Variants in PIKFYVE observed in about 807,000 individuals in gnomAD.
The protein encoded by PIKFYVE is phosphoinositide kinase, FYVE-type zinc finger containing.
A neutral mutation model predicts 257.9 loss-of-function variants in PIKFYVE; 122 were observed. That is an observed-to-expected ratio of 0.47 (90% CI 0.41 to 0.55). The LOEUF (loss-of-function observed/expected upper bound fraction) is 0.55, where lower values mean the gene tolerates loss of function less well. Ranked by LOEUF, PIKFYVE falls within the 20% of genes least tolerant of loss-of-function variation. The pLI is 0.00. For synonymous variants in PIKFYVE, 892 were observed against 868.9 expected (o/e 1.03, Z -0.47); for missense variants, 2,160 against 2,536.6 (o/e 0.85, Z 3.19).
intron 3 of PIKFYVE, among the ~76,000 whole-genome samples, chr2:208,276,331 T>G (rs1321798671): frequency 6.6e-6 from 1 of 152,210 alleles, no homozygotes; most frequent in Non-Finnish European, 1.5e-5. Flanking sequence ...AAGTTAACCC[T>G]CCTTGATTGC....
chr2:208,282,862 C>G (rs948294813), intron 5 of PIKFYVE, among the ~76,000 whole-genome samples: 2 of 152,144 alleles, frequency 1.3e-5, no homozygotes, highest in Admixed American at 6.5e-5. Flanking sequence ...TAGGACGAAA[C>G]TATTCCACCT....
rs918856282 is a variant in PIKFYVE at position 208,356,892 on chromosome 2, T to A, written c.*1587T>A. ...TAATAATAGCACATTAACCTTCACA[T>A]AATAAGAAATCTGGACAAGTTCAGT... On this transcript the variant is annotated 3_prime_UTR_variant, in exon 42 of 42. Coordinates refer to ENST00000264380, the MANE Select transcript of PIKFYVE (RefSeq NM_015040.4). 6.6e-6 allele frequency: 1 copy of A among 152,646 alleles called. No individual in the cohort carries two copies. The highest frequency in any genetic ancestry group is 2.4e-5 in the African/African-American group (1 of 41,460). 9.5% of individuals were successfully genotyped at this position (152,646 alleles called of 1,614,324 possible).
In PIKFYVE at chr2:208,348,076, T is replaced by C. The variant is rs1382806947; in HGVS notation, c.5374+53T>C. 16 of 1,586,624 alleles carry C rather than the reference T, an allele frequency of 1.0e-5. No individual in the cohort carries two copies. The Admixed American group carries it at 2.7e-4, about 26-fold the overall frequency. ...ATTCTATGCTTTGATTTATTTATTTTAGTTGCATATATTTCTTATAGCCTT... is the reference window on the plus strand; with the variant it reads ...ATTCTATGCTTTGATTTATTTATTTCAGTTGCATATATTTCTTATAGCCTT... On this transcript the variant is annotated intron_variant, in intron 35 of 41. Coordinates refer to ENST00000264380, the MANE Select transcript of PIKFYVE (RefSeq NM_015040.4).
chr2:208,298,654 A>G lies in PIKFYVE; in HGVS notation c.925A>G (p.Thr309Ala). ...SPARNRSASI[T>A]NLSLDRSGSP... is the part of the protein sequence containing the mutation. ...TTTTATTTCCAGATCAGCCAGCATT[A>G]CTAACCTGTCACTGGATAGATCTGG... is the stretch of plus-strand genomic sequence containing the variant. Residue 309 changes from threonine to alanine, a missense_variant, in exon 8 of 42, where the codon ACT becomes GCT. By Grantham distance (58) the Thr-to-Ala change is moderately conservative. Transcript: ENST00000264380. The G allele has an allele frequency of 1.2e-6, 2 of 1,614,126 alleles. No homozygotes were observed. The highest frequency in any genetic ancestry group is 1.7e-6 in the Non-Finnish European group (2 of 1,180,002).
intron 7 of PIKFYVE, among the ~76,000 whole-genome samples, chr2:208,291,760 G>T (rs1053034435): frequency 2.0e-5 from 3 of 151,954 alleles, no homozygotes; most frequent in African/African-American, 7.2e-5. Flanking sequence ...TCTTTTCAAA[G>T]AACCAGCTTT....
intron 17 of PIKFYVE, among the ~76,000 whole-genome samples, chr2:208,322,374 TAAA>T (rs11471825): frequency 2.0e-5 from 2 of 97,808 alleles, no homozygotes; most frequent in African/African-American, 4.0e-5. Context: ...CCCTGTCTCT[TAAA>T]AAAAAAAAAA....
At chr2:208,337,817 G>A (rs1450411743) in intron 28 of PIKFYVE, among the ~76,000 whole-genome samples, 2 of 152,112 alleles carry the variant, frequency 1.3e-5, no homozygotes, top group Admixed American at 1.3e-4. Flanking sequence ...TGCCTTCCGA[G>A]TTCAAGCAAT....
chr2:208,324,780 T>C (rs1696720768), intron 18 of PIKFYVE, 131 bp from the exon 19 acceptor site: 1 of 1,123,020 alleles, frequency 8.9e-7, no homozygotes, highest in Admixed American at 2.2e-5. Flanking sequence ...ATAAAAAAAT[T>C]CATCATATAT....
At chr2:208,300,454 G>A (rs1350045970) in intron 8 of PIKFYVE, among the ~76,000 whole-genome samples, 2 of 152,178 alleles carry the variant, frequency 1.3e-5, no homozygotes, top group East Asian at 1.9e-4. Context: ...ACTTACAGGT[G>A]TAGATTTGAA....
chr2:208,302,620 GGTA>G (rs1468599062), intron 10 of PIKFYVE: 1 of 415,754 alleles, frequency 2.4e-6, no homozygotes, highest in Non-Finnish European at 4.5e-6. Flanking sequence ...CAGTTGGTGT[GGTA>G]GTTCTTAAAT....
chr2:208,290,133 A>G lies in PIKFYVE; in HGVS notation c.911+1315A>G, dbSNP rs180982932. On this transcript the variant is annotated intron_variant, in intron 7 of 41. Transcript: ENST00000264380. Reference sequence around the variant, plus strand: ...CTACTTTGACACATGATCATCGTCTAAAAGTTAATAGTTAACATTAGAATT... The same window carrying G: ...CTACTTTGACACATGATCATCGTCTGAAAGTTAATAGTTAACATTAGAATT... Among the ~76,000 whole-genome samples, 79 of 152,314 alleles carry G rather than the reference A, an allele frequency of 5.2e-4. 2 individuals are homozygous for G. The East Asian group carries it at 0.014, about 27-fold the overall frequency.
intron 36 of PIKFYVE, 139 bp downstream of exon 36, chr2:208,350,222 G>T (rs1157329602): frequency 1.9e-5 from 23 of 1,230,288 alleles, no homozygotes; most frequent in Non-Finnish European, 2.3e-5. Flanking sequence ...GCTGACATGA[G>T]GTATATTTAA....
In PIKFYVE at chr2:208,340,079, A is replaced by G; in HGVS notation, c.4879A>G (p.Ile1627Val). Residue 1627 changes from isoleucine (I) to valine (V), a missense_variant, in exon 31 of 42, where the codon ATC (isoleucine) becomes GTC (valine). Transcript: ENST00000264380. ...GAAGGAAAAGTCAACCATGAAAGCC[A>G]TCTTTGCAAATTTGCTTCCAGGAAA... ...QVKEKSTMKA[I>V]FANLLPGNSY... 1 of 1,614,022 alleles carries G rather than the reference A, an allele frequency of 6.2e-7. No homozygotes were observed. The highest frequency in any genetic ancestry group is 2.2e-5 in the East Asian group (1 of 44,864).
intron 3 of PIKFYVE, among the ~76,000 whole-genome samples, chr2:208,275,499 CAA>C (rs1445230569): frequency 6.6e-6 from 1 of 152,116 alleles, no homozygotes; most frequent in Non-Finnish European, 1.5e-5. Context: ...TTTTGAGACT[CAA>C]GTTTAGTTAT....
chr2:208,322,317 G>A (rs535158754), intron 17 of PIKFYVE, among the ~76,000 whole-genome samples: 35 of 144,094 alleles, frequency 2.4e-4, no homozygotes, highest in African/African-American at 8.5e-4. Flanking sequence ...AGGTCACAGT[G>A]AGCTATGACG....
At position 208,357,096 on chromosome 2, in the gene PIKFYVE, C is replaced by T. The variant is rs1332077667; in HGVS notation, c.*1791C>T. 1 of 152,150 alleles carries T rather than the reference C, an allele frequency of 6.6e-6. No homozygotes were observed. The highest frequency in any genetic ancestry group is 1.5e-5 in the Non-Finnish European group (1 of 68,038). 9.4% of individuals were successfully genotyped at this position (152,150 alleles called of 1,614,324 possible). ...AGTTCCACTTGGCCCCTTTTAAAAA[C>T]GTGTATGTGCCTTTTGAAGATACAC... On this transcript the variant is annotated 3_prime_UTR_variant, in exon 42 of 42. Transcript: ENST00000264380.
intron 23 of PIKFYVE, among the ~76,000 whole-genome samples, chr2:208,332,133 A>G (rs578116115): frequency 5.3e-5 from 8 of 152,206 alleles, no homozygotes; most frequent in African/African-American, 7.2e-5. Context: ...TCAAATTTCT[A>G]TGAGCCATGA....
At chr2:208,289,792 T>C (rs1474325821) in intron 7 of PIKFYVE, among the ~76,000 whole-genome samples, 2 of 152,128 alleles carry the variant, frequency 1.3e-5, no homozygotes, top group Admixed American at 6.5e-5. Flanking sequence ...GGTCTTGAAC[T>C]TCTGACCTCA....
intron 6 of PIKFYVE, among the ~76,000 whole-genome samples, chr2:208,288,323 C>T (rs1164836601): frequency 6.6e-6 from 1 of 152,040 alleles, no homozygotes; most frequent in Non-Finnish European, 1.5e-5. Context: ...AGAGGTCGAG[C>T]CTGCACTTGG....
Sources: gnomAD v4.1 joint callset for allele counts (sites outside exome capture counted in the v4.1 genomes callset) on GRCh38, gnomAD v4.1.1 for gene constraint, MANE v1.5 for transcripts, NCBI Gene and HGNC (gene_info 2026-07-23, HGNC 2026-07-21) for gene names.